Variants in TIAM2 observed in about 807,000 individuals in gnomAD.
The protein encoded by TIAM2 is rho guanine nucleotide exchange factor TIAM2.
TIAM2 carries 80 observed loss-of-function variants against 152.9 expected under a neutral mutation model. That is an observed-to-expected ratio of 0.52 (90% CI 0.44 to 0.63). The LOEUF is 0.63. Ranked by LOEUF, TIAM2 falls within the 30% of genes least tolerant of loss-of-function variation. The probability of loss-of-function intolerance (pLI) is 0.00; values close to 1 mark genes in which losing one functional copy is unlikely to be tolerated. For synonymous variants in TIAM2, 804 were observed against 838.0 expected, an observed-to-expected ratio of 0.96 and a Z score of 0.70; for missense variants, 1,965 against 2,120.1, an observed-to-expected ratio of 0.93 and a Z score of 1.44.
chr6:155,081,131 A>G (rs1244063974), intron 1 of TIAM2, among the ~76,000 whole-genome samples: 1 of 152,208 alleles, frequency 6.6e-6, no homozygotes, highest in Non-Finnish European at 1.5e-5. Context: ...GAAAGAGGGT[A>G]AAATATTTTA....
intron 16 of TIAM2, among the ~76,000 whole-genome samples, chr6:155,242,096 T>C (rs751631498): frequency 2.0e-5 from 3 of 152,220 alleles, no homozygotes; most frequent in Non-Finnish European, 4.4e-5. Flanking sequence ...CTCTCCCTTC[T>C]CTCTGCAAGA....
At chr6:155,197,166 A>G (rs1781365811) in intron 14 of TIAM2, among the ~76,000 whole-genome samples, 1 of 152,222 alleles carries the variant, frequency 6.6e-6, no homozygotes, top group African/African-American at 2.4e-5. Context: ...CCAGTGAAGC[A>G]CTTGGAAACT....
intron 1 of TIAM2, among the ~76,000 whole-genome samples, chr6:155,081,310 G>A (rs12201886): frequency 2.5e-4 from 37 of 150,732 alleles, no homozygotes; most frequent in Non-Finnish European, 3.5e-4. Flanking sequence ...CATTCCCCCC[G>A]CCCATGTACT....
At position 155,130,158 on chromosome 6, in the gene TIAM2, C is replaced by T. The variant is rs1171365353; in HGVS notation, c.935C>T (p.Ser312Phe). 5 of 1,614,202 alleles carry T rather than the reference C, an allele frequency of 3.1e-6. No homozygotes were observed. The highest frequency in any genetic ancestry group is 1.3e-5 in the African/African-American group (1 of 75,058). ...AAAGATGCCAACCTGGGGAGCCTCT[C>T]CCCCTCAGGTATCCGCCTTTCTGAT... ...LYKDANLGSL[S>F]PSGIRLSDEY... The change falls in exon 4 of 27, where the codon TCC becomes TTC. Residue 312 changes from serine (S) to phenylalanine (F), a missense_variant. Physicochemically the swap from Ser to Phe is radical, Grantham distance 155 (BLOSUM62 -2). Coordinates refer to ENST00000682666, the MANE Select transcript of TIAM2 (RefSeq NM_012454.4).
At chr6:155,247,338 G>T (rs1021335242) in intron 19 of TIAM2, among the ~76,000 whole-genome samples, 1 of 151,274 alleles carries the variant, frequency 6.6e-6, no homozygotes, top group South Asian at 2.1e-4. Flanking sequence ...TTTTGATGTT[G>T]TTTTTTTTGA....
rs1779370197 is a variant in TIAM2 at position 155,129,090 on chromosome 6, T to C, written c.-6-128T>C. ...TGTTCTACTGACTGACTCTTGTCCCTACTCCTCTGAGTCCTTCCAGGCACT... is the reference window on the plus strand; with the variant it reads ...TGTTCTACTGACTGACTCTTGTCCCCACTCCTCTGAGTCCTTCCAGGCACT... On this transcript the variant is annotated intron_variant, in intron 3 of 26. Coordinates refer to ENST00000682666, the MANE Select transcript of TIAM2 (RefSeq NM_012454.4). This position sits in a 1 kb window ranked among gnomAD's most constrained non-coding sequence, Gnocchi z 4.8. 4.9e-6 allele frequency: 4 copies of C among 817,416 alleles called. No individual in the cohort carries two copies. The highest frequency in any genetic ancestry group is 2.7e-5 in the Admixed American group (1 of 37,014). The allele number at this position is 817,416 out of a possible 1,614,324, so 50.6% of individuals were successfully genotyped here.
chr6:155,136,020 C>A (rs1779545920), intron 4 of TIAM2, among the ~76,000 whole-genome samples: 1 of 151,416 alleles, frequency 6.6e-6, no homozygotes, highest in African/African-American at 2.4e-5. Context: ...CATGAAGAAA[C>A]CGTGTCTCTA....
intron 1 of TIAM2, among the ~76,000 whole-genome samples, chr6:155,004,129 G>A (rs1778360857): frequency 6.6e-6 from 1 of 152,200 alleles, no homozygotes; most frequent in South Asian, 2.1e-4. Flanking sequence ...GCCTGCCTCG[G>A]CCTCCGAAAG....
intron 14 of TIAM2, among the ~76,000 whole-genome samples, chr6:155,187,573 C>CGTTT (rs1189509294): frequency 2.0e-5 from 1 of 49,622 alleles, no homozygotes. Context: ...ACCCCGCCCC[C>CGTTT]TTTTTTTTTT....
intron 15 of TIAM2, 51 bp from the exon 16 acceptor site, chr6:155,240,479 A>G: frequency 6.5e-7 from 1 of 1,538,800 alleles, no homozygotes; most frequent in Non-Finnish European, 8.8e-7. Context: ...GGCAGCGGAT[A>G]CTATCAGGGA....
chr6:155,226,434 C>T (rs1209589219), intron 15 of TIAM2, among the ~76,000 whole-genome samples: 1 of 152,130 alleles, frequency 6.6e-6, no homozygotes, highest in Non-Finnish European at 1.5e-5. Context: ...CTTTGGGAGG[C>T]CGAGGCAGGT....
At chr6:155,107,344 A>G (rs1011111498) in intron 2 of TIAM2, among the ~76,000 whole-genome samples, 2 of 152,196 alleles carry the variant, frequency 1.3e-5, no homozygotes, top group African/African-American at 4.8e-5. Context: ...GTTGCCTTTA[A>G]ATTGGAGTGT....
At chr6:155,034,191 A>G (rs1776879102) in intron 1 of TIAM2, among the ~76,000 whole-genome samples, 1 of 152,018 alleles carries the variant, frequency 6.6e-6, no homozygotes. Context: ...AATACATGCC[A>G]GTTTCTGCCC....
intron 1 of TIAM2, among the ~76,000 whole-genome samples, chr6:155,085,023 T>C (rs1160284986): frequency 6.6e-6 from 1 of 152,154 alleles, no homozygotes; most frequent in East Asian, 1.9e-4. Context: ...AATCCACCTG[T>C]AAATGGAGAC....
rs1192938703 is a variant in TIAM2, at chr6:155,127,549, A to G, written c.-58A>G. 1 of 456,048 alleles carries G rather than the reference A, an allele frequency of 2.2e-6. No homozygotes were observed. Among genetic ancestry groups the G allele is most frequent in the Non-Finnish European group, 4.4e-6 (1 of 226,796 alleles). 28.3% of individuals were successfully genotyped at this position (456,048 alleles called of 1,614,324 possible). On this transcript the variant is annotated 5_prime_UTR_variant, in exon 3 of 27. An upstream start codon of the reference 5' UTR is lost. Coordinates refer to ENST00000682666, the MANE Select transcript of TIAM2 (RefSeq NM_012454.4). ...AATGTGCTGTGTTGCTCCCAAGACC[A>G]TGTAAAGCCTACTGACCACTAACCT...
intron 2 of TIAM2, among the ~76,000 whole-genome samples, chr6:155,104,296 C>T (rs1482765595): frequency 6.6e-6 from 1 of 151,976 alleles, no homozygotes; most frequent in African/African-American, 2.4e-5. Context: ...CAGGTTTATC[C>T]CACCAGCACT....
intron 4 of TIAM2, among the ~76,000 whole-genome samples, chr6:155,136,602 A>G (rs1779562683): frequency 6.6e-6 from 1 of 152,176 alleles, no homozygotes; most frequent in Non-Finnish European, 1.5e-5. Flanking sequence ...CTGGGAAAAT[A>G]AGATACTAGA....
intron 25 of TIAM2, 33 bp from the exon 26 acceptor site, chr6:155,254,386 C>T (rs770048270): frequency 6.2e-7 from 1 of 1,604,252 alleles, no homozygotes; most frequent in Non-Finnish European, 8.5e-7. Context: ...ACACTGTGGA[C>T]ACTTCTGCTG....
chr6:155,129,726 A>G lies in TIAM2; in HGVS notation c.503A>G (p.Lys168Arg). ...SPRVLIKTLG[K>R]LDGCLRVEFH... The stretch of plus-strand genomic sequence containing the variant: ...CGAGTGCTCATCAAAACGCTGGGGA[A>G]GCTGGATGGGTGTTTAAGGGTCGAG... Residue 168 changes from lysine (K) to arginine (R), a missense_variant, in exon 4 of 27, where the codon AAG becomes AGG. By Grantham distance (26) the Lys-to-Arg change is conservative (BLOSUM62 2). Around this residue, in one of 3 missense-constraint regions of TIAM2, gnomAD observed 1,025 missense variants for 1,119.4 expected, o/e 0.92. Coordinates refer to ENST00000682666, the MANE Select transcript of TIAM2 (RefSeq NM_012454.4). The surrounding 1 kb of genome is among the most constrained non-coding windows in gnomAD (Gnocchi z 4.8). 2 of 1,614,032 alleles carry G rather than the reference A, an allele frequency of 1.2e-6. No homozygotes were observed. Among genetic ancestry groups the G allele is most frequent in the Non-Finnish European group, 1.7e-6 (2 of 1,180,038 alleles).
Sources: allele counts gnomAD v4.1 joint callset (sites outside exome capture counted in the v4.1 genomes callset), GRCh38; gene constraint gnomAD v4.1.1; regional missense constraint gnomAD v4.1.1; non-coding constraint Gnocchi (gnomAD v3.1); transcripts MANE v1.5; gene names NCBI Gene and HGNC (gene_info 2026-07-23, HGNC 2026-07-21).